STAT6: variants seen among roughly 807,000 people sequenced by gnomAD.
STAT6 encodes the protein STAT, interleukin4-induced.
STAT6 carries 45 observed loss-of-function variants against 106.3 expected under a neutral mutation model. That is an observed-to-expected ratio of 0.42 (90% CI 0.33 to 0.54). The LOEUF (loss-of-function observed/expected upper bound fraction) is 0.54, where lower values mean the gene tolerates loss of function less well. Ranked by LOEUF, STAT6 falls within the 20% of genes least tolerant of loss-of-function variation. The pLI is 0.06. For synonymous variants in STAT6, 413 were observed against 413.6 expected (o/e 1.00, Z 0.02); for missense variants, 797 against 1,062.2 (o/e 0.75, Z 3.47).
chr12:57,096,716 C>T lies in STAT6; in HGVS notation c.2400G>A (p.Gln800=). ...IFPPLLPPTE[Q]DLTKLLLEGQ... ...CCTCCAGGAGAAGCTTAGTGAGGTC[C>T]TGTTCAGTGGGAGGCAGCAGAGGAG... The change falls in exon 22 of 22, where the codon CAG becomes CAA. Residue 800 remains glutamine (Q), a synonymous_variant. Coordinates refer to ENST00000300134, the MANE Select transcript of STAT6 (RefSeq NM_003153.5). 1 of 1,612,640 alleles carries T rather than the reference C, an allele frequency of 6.2e-7. No homozygotes were observed. Among genetic ancestry groups the T allele is most frequent in the Middle Eastern group, 1.7e-4 (1 of 6,042 alleles).
chr12:57,096,282 T>G lies in STAT6; in HGVS notation c.*290A>C, dbSNP rs1360991682. 3 of 407,830 alleles carry G rather than the reference T, an allele frequency of 7.4e-6. No individual in the cohort carries two copies. The highest frequency in any genetic ancestry group is 6.2e-5 in the African/African-American group (3 of 48,274). 25.3% of individuals were successfully genotyped at this position (407,830 alleles called of 1,614,324 possible). A position where few individuals can be genotyped will look rare whatever the true frequency, so the allele number is the denominator to read the frequency against. On this transcript the variant is annotated 3_prime_UTR_variant, in exon 22 of 22. Coordinates refer to ENST00000300134, the MANE Select transcript of STAT6 (RefSeq NM_003153.5). Reference sequence around the variant, plus strand: ...AGAGAGCTCTGTATGTGTGTGTGCGTGCGTGTGCGCGCTGCAGGTGCAGGC... The same window carrying G: ...AGAGAGCTCTGTATGTGTGTGTGCGGGCGTGTGCGCGCTGCAGGTGCAGGC...
At chr12:57,102,526 G>T (rs1427828439) in intron 12 of STAT6, 30 bp from the exon 13 acceptor site, 2 of 1,607,632 alleles carry the variant, frequency 1.2e-6, no homozygotes, top group East Asian at 4.5e-5. Flanking sequence ...AGAGAGCACT[G>T]CAGGCTACCG....
Position 57,099,473 on chromosome 12 carries a change from G to C in STAT6, c.1745-33C>G. The C allele has an allele frequency of 6.2e-7, 1 of 1,613,628 alleles. No individual in the cohort carries two copies. Among genetic ancestry groups the C allele is most frequent in the Admixed American group, 1.7e-5 (1 of 60,000 alleles). Reference sequence around the variant, plus strand: ...AGGAAGGAGACCCTGAGATCCCTCTGTCCGGACTTTCTTCCCCTTCCCCAA... The same window carrying C: ...AGGAAGGAGACCCTGAGATCCCTCTCTCCGGACTTTCTTCCCCTTCCCCAA... On this transcript the variant is annotated intron_variant, in intron 15 of 21. Transcript: ENST00000300134. The surrounding 1 kb of genome is among the most constrained non-coding windows in gnomAD (Gnocchi z 4.7).
intron 11 of STAT6, chr12:57,104,018 T>C (rs1212452469): frequency 1.2e-5 from 2 of 170,386 alleles, no homozygotes; most frequent in Non-Finnish European, 2.5e-5. Context: ...CGTAGAGAAG[T>C]GGTTATTAGT....
At chr12:57,098,629 G>C (rs775284729) in intron 18 of STAT6, 32 bp from the exon 19 acceptor site, 9 of 1,605,606 alleles carry the variant, frequency 5.6e-6, no homozygotes, top group Non-Finnish European at 7.7e-6. Flanking sequence ...CCTGATGCCA[G>C]CCCTTCTCCT....
chr12:57,104,382 G>C (rs1305530366), intron 11 of STAT6, 82 bp downstream of exon 11: 18 of 1,532,650 alleles, frequency 1.2e-5, no homozygotes, highest in Non-Finnish European at 1.6e-5. Context: ...AGTCACAAGA[G>C]GTGAGGGTCC....
chr12:57,102,710 G>A, intron 12 of STAT6, 119 bp downstream of exon 12: 1 of 969,768 alleles, frequency 1.0e-6, no homozygotes. Context: ...AGGCCCATGA[G>A]AAAGTGTTAA....
intron 1 of STAT6, among the ~76,000 whole-genome samples, chr12:57,108,836 C>A (rs1016286186): frequency 5.3e-5 from 8 of 152,208 alleles, no homozygotes; most frequent in Non-Finnish European, 1.2e-4. Context: ...CCTCTCCCCA[C>A]CTCCTGACGC....
At position 57,102,445 on chromosome 12, in the gene STAT6, C is replaced by T. The variant is rs750819566; in HGVS notation, c.1357G>A (p.Glu453Lys). Residue 453 changes from glutamate (E) to lysine (K), a missense_variant, in exon 13 of 22, where the codon GAA becomes AAA. Coordinates refer to ENST00000300134, the MANE Select transcript of STAT6 (RefSeq NM_003153.5). ...AERVPWEKMC[E>K]TLNLKFMAEV... ...GCCATGAACTTCAGGTTCAGAGTTT[C>T]ACACATCTTCTCCCAGGGCACCCGC... is the stretch of plus-strand genomic sequence containing the variant. 6.2e-7 allele frequency: 1 copy of T among 1,614,048 alleles called. No homozygotes were observed. Among genetic ancestry groups the T allele is most frequent in the Non-Finnish European group, 8.5e-7 (1 of 1,180,022 alleles).
rs1233331810 is a variant in STAT6, at chr12:57,096,676, C to T, written c.2440G>A (p.Gly814Arg). ...KLLLEGQGES[G>R]GGSLGAQPLL... ...GGCTGTGCCCCCAAGGACCCTCCCC[C>T]CGACTCCCCTTGCCCCTCCAGGAGA... Residue 814 changes from glycine (G) to arginine (R), a missense_variant, in exon 22 of 22, where the codon GGG becomes AGG. By Grantham distance (125) the Gly-to-Arg change is moderately radical. Transcript: ENST00000300134. 6 of 1,606,742 alleles carry T rather than the reference C, an allele frequency of 3.7e-6. No homozygotes were observed. The highest frequency in any genetic ancestry group is 4.2e-6 in the Non-Finnish European group (5 of 1,177,848).
chr12:57,105,188 G>A lies in STAT6; in HGVS notation c.964C>T (p.Arg322Trp), dbSNP rs150956174. The A allele has an allele frequency of 1.1e-5, 18 of 1,613,658 alleles. No individual in the cohort carries two copies. Among genetic ancestry groups the A allele is most frequent in the East Asian group, 4.5e-5 (2 of 44,876 alleles). The change falls in exon 9 of 22, where the codon CGG becomes TGG. Residue 322 changes from arginine to tryptophan, a missense_variant. Physicochemically the swap from Arg to Trp is moderately radical, Grantham distance 101. Coordinates refer to ENST00000300134, the MANE Select transcript of STAT6 (RefSeq NM_003153.5). ...GGACCCTGAGGCACACTCAGCTCCC[G>A]CGCCTGCTTCTCTGTCACCATGTCG... ...RADMVTEKQARELSVPQGPGA... is the reference protein window; with the variant it reads ...RADMVTEKQAWELSVPQGPGA...
chr12:57,098,289 G>A (rs1233983536), intron 19 of STAT6, among the ~76,000 whole-genome samples: 1 of 152,162 alleles, frequency 6.6e-6, no homozygotes, highest in Non-Finnish European at 1.5e-5. Context: ...GGCACCAAAG[G>A]CTAAGTAATT....
In STAT6 at chr12:57,099,937, C is replaced by A. The variant is rs746470338; in HGVS notation, c.1608-34G>T. On this transcript the variant is annotated intron_variant, in intron 14 of 21. Coordinates refer to ENST00000300134, the MANE Select transcript of STAT6 (RefSeq NM_003153.5). The surrounding 1 kb of genome is among the most constrained non-coding windows in gnomAD (Gnocchi z 4.7). ...GATGAAGGAGAGGATGGGGCATGGG[C>A]AGTGAGTATGGAGGTGACTGGTGTA... 2.5e-6 allele frequency: 4 copies of A among 1,614,196 alleles called. No individual in the cohort carries two copies. In the Admixed American group the frequency reaches 6.7e-5, roughly 27 times the overall value.
chr12:57,110,878 C>G (rs1251700108), intron 1 of STAT6, among the ~76,000 whole-genome samples: 5 of 152,132 alleles, frequency 3.3e-5, no homozygotes. Context: ...TTCCATGGCC[C>G]TGGGGGTGCA....
At chr12:57,098,966 A>AT in intron 17 of STAT6, 49 bp downstream of exon 17, 1 of 1,613,634 alleles carries the variant, frequency 6.2e-7, no homozygotes, top group East Asian at 2.2e-5. Context: ...CTTCCTGCAG[A>AT]TAAGCACTAA....
At chr12:57,105,720 G>C in intron 7 of STAT6, 121 bp from the exon 8 acceptor site, 2 of 1,436,074 alleles carry the variant, frequency 1.4e-6, no homozygotes, top group Non-Finnish European at 1.8e-6. Flanking sequence ...TGGGTAGTGG[G>C]TGTGGCTGCA....
chr12:57,102,056 G>A (rs1274497773), intron 13 of STAT6, among the ~76,000 whole-genome samples: 6 of 152,170 alleles, frequency 3.9e-5, no homozygotes, highest in Non-Finnish European at 1.5e-5. Context: ...TGGTAAAGAG[G>A]AAGGACAGAT....
At chr12:57,104,700 C>A (rs745485960) in intron 10 of STAT6, 26 bp downstream of exon 10, 2 of 1,614,008 alleles carry the variant, frequency 1.2e-6, no homozygotes, top group East Asian at 2.2e-5. Flanking sequence ...GTGGTGCCCC[C>A]CTCACTGCAC....
chr12:57,102,569 C>T lies in STAT6; in HGVS notation c.1306-73G>A, dbSNP rs2034000749. 4.0e-6 allele frequency: 6 copies of T among 1,502,644 alleles called. No homozygotes were observed. In the South Asian group the frequency reaches 6.0e-5, roughly 15 times the overall value. 93.1% of individuals were successfully genotyped at this position (1,502,644 alleles called of 1,614,324 possible). ...ATTCCTCGGGCCGGCCTTCATCCCT[C>T]CCACCTGCCTGTGGCCTACCCCTCC... On this transcript the variant is annotated intron_variant, in intron 12 of 21. Coordinates refer to ENST00000300134, the MANE Select transcript of STAT6 (RefSeq NM_003153.5).
Sources: allele counts gnomAD v4.1 joint callset (sites outside exome capture counted in the v4.1 genomes callset), GRCh38; gene constraint gnomAD v4.1.1; non-coding constraint Gnocchi (gnomAD v3.1); transcripts MANE v1.5; gene names NCBI Gene and HGNC (gene_info 2026-07-23, HGNC 2026-07-21).